The following NLGN1 variants were observed in gnomAD, a reference collection of about 807,000 sequenced individuals.
The protein encoded by NLGN1 is neuroligin-1.
Under a neutral mutation model 65.5 loss-of-function variants are expected in NLGN1, and 12 were observed. That is an observed-to-expected ratio of 0.18 (90% confidence interval 0.12 to 0.30). The LOEUF is 0.30. Among genes scored for constraint, NLGN1 ranks in the 10% least tolerant of loss-of-function variants. The pLI, the probability that NLGN1 is intolerant of heterozygous loss-of-function variation, is 1.00. For synonymous variants in NLGN1, 350 were observed against 359.5 expected, an observed-to-expected ratio of 0.97 and a Z score of 0.30; for missense variants, 750 against 1,007.1, an observed-to-expected ratio of 0.74 and a Z score of 3.46.
intron 4 of NLGN1, among the ~76,000 whole-genome samples, chr3:173,938,058 T>G (rs1190339074): frequency 6.6e-6 from 1 of 152,162 alleles, no homozygotes; most frequent in Non-Finnish European, 1.5e-5. Context: ...GAGCACCTAT[T>G]AATTGTCAAA....
At chr3:173,896,293 G>T (rs1157120315) in intron 4 of NLGN1, among the ~76,000 whole-genome samples, 2 of 152,106 alleles carry the variant, frequency 1.3e-5, no homozygotes, top group Non-Finnish European at 2.9e-5. Flanking sequence ...GAATCATTCT[G>T]CCCATCATAC....
chr3:173,555,247 T>G (rs1741526911), intron 2 of NLGN1, among the ~76,000 whole-genome samples: 1 of 152,180 alleles, frequency 6.6e-6, no homozygotes, highest in African/African-American at 2.4e-5. Context: ...CTCTATCAAT[T>G]GAGATGGTTG....
chr3:173,969,128 C>G (rs1221538637), intron 4 of NLGN1, among the ~76,000 whole-genome samples: 2 of 151,720 alleles, frequency 1.3e-5, no homozygotes, highest in African/African-American at 4.8e-5. Context: ...TTATATTTTA[C>G]TTATTGTCTA....
At chr3:173,980,835 AC>A (rs1718622157) in intron 4 of NLGN1, among the ~76,000 whole-genome samples, 1 of 152,052 alleles carries the variant, frequency 6.6e-6, no homozygotes, top group Non-Finnish European at 1.5e-5. Context: ...ACTATGATTG[AC>A]CCATTTATAT....
intron 4 of NLGN1, among the ~76,000 whole-genome samples, chr3:174,170,408 T>G (rs1443530547): frequency 1.3e-5 from 2 of 152,138 alleles, no homozygotes; most frequent in African/African-American, 4.8e-5. Context: ...ACATGGATGA[T>G]CCACTGCTGT....
chr3:174,070,627 G>C (rs1006653952), intron 4 of NLGN1, among the ~76,000 whole-genome samples: 1 of 152,078 alleles, frequency 6.6e-6, no homozygotes, highest in Non-Finnish European at 1.5e-5. Context: ...ACCGCGCCCG[G>C]CCTTATCTCT....
intron 3 of NLGN1, among the ~76,000 whole-genome samples, chr3:173,691,236 A>G (rs1381197926): frequency 1.3e-5 from 2 of 152,066 alleles, no homozygotes; most frequent in East Asian, 1.9e-4. Flanking sequence ...TCTTTAGCCC[A>G]TTTCTTCAAG....
chr3:173,584,323 G>GTA (rs1553766886), intron 2 of NLGN1, among the ~76,000 whole-genome samples: 5 of 148,530 alleles, frequency 3.4e-5, no homozygotes, highest in Non-Finnish European at 7.4e-5. Flanking sequence ...GCCACTAGGG[G>GTA]TATCTTTGTA....
intron 3 of NLGN1, among the ~76,000 whole-genome samples, chr3:173,634,101 T>A (rs1756187493): frequency 6.6e-6 from 1 of 152,126 alleles, no homozygotes; most frequent in Non-Finnish European, 1.5e-5. Flanking sequence ...ATTAAAAACA[T>A]TATGGGATTT....
At chr3:173,942,100 G>T (rs1027918304) in intron 4 of NLGN1, among the ~76,000 whole-genome samples, 10 of 147,204 alleles carry the variant, frequency 6.8e-5, no homozygotes, top group African/African-American at 2.3e-4. Flanking sequence ...AGGAATATTG[G>T]TGGTTGGGGG....
intron 4 of NLGN1, among the ~76,000 whole-genome samples, chr3:174,190,225 C>G (rs1445722409): frequency 6.6e-6 from 1 of 151,868 alleles, no homozygotes; most frequent in South Asian, 2.1e-4. Flanking sequence ...AGTATTTGCT[C>G]CATATTTTTT....
intron 2 of NLGN1, among the ~76,000 whole-genome samples, chr3:173,586,181 A>G (rs972645972): frequency 6.6e-6 from 1 of 152,140 alleles, no homozygotes; most frequent in Non-Finnish European, 1.5e-5. Flanking sequence ...TAGACATTCA[A>G]ATGCTTTGGA....
chr3:174,119,595 A>T (rs73046203), intron 4 of NLGN1, among the ~76,000 whole-genome samples: 7 of 152,316 alleles, frequency 4.6e-5, no homozygotes, highest in African/African-American at 1.7e-4. Context: ...CTATTGTTAG[A>T]GTCTTTAAAA....
intron 3 of NLGN1, among the ~76,000 whole-genome samples, chr3:173,715,192 A>G (rs1769643679): frequency 6.6e-6 from 1 of 152,146 alleles, no homozygotes; most frequent in Admixed American, 6.6e-5. Context: ...CTTGGCTTAA[A>G]TGATTATTTC....
chr3:173,412,321 C>T (rs952899602), intron 1 of NLGN1, among the ~76,000 whole-genome samples: 1 of 151,682 alleles, frequency 6.6e-6, no homozygotes, highest in Non-Finnish European at 1.5e-5. Context: ...GACACACACA[C>T]ACACACACAC....
At chr3:173,985,253 T>G (rs1719641925) in intron 4 of NLGN1, among the ~76,000 whole-genome samples, 2 of 152,188 alleles carry the variant, frequency 1.3e-5, no homozygotes, top group Non-Finnish European at 2.9e-5. Flanking sequence ...ATTTGAACCT[T>G]TTTGCTTTCA....
chr3:174,100,874 T>C (rs1712286798), intron 4 of NLGN1, among the ~76,000 whole-genome samples: 1 of 151,994 alleles, frequency 6.6e-6, no homozygotes, highest in African/African-American at 2.4e-5. Flanking sequence ...TTTCATTTAT[T>C]TAGCACTCCC....
In NLGN1 at chr3:173,568,512, G is replaced by C. The variant is rs543053437; in HGVS notation, c.-320-35767G>C. On this transcript the variant is annotated intron_variant, in intron 2 of 6. Coordinates refer to ENST00000457714, the Ensembl canonical transcript of NLGN1. ...GGCCTCCCAAATTGTTGGGATTACAGGCACAAGCCACTGTGCCCGGCCTCA... is the reference window on the plus strand; with the variant it reads ...GGCCTCCCAAATTGTTGGGATTACACGCACAAGCCACTGTGCCCGGCCTCA... Among the ~76,000 whole-genome samples the C allele has an allele frequency of 1.3e-4, 20 of 152,260 alleles. No homozygotes were observed. In the East Asian group the frequency reaches 3.9e-3, roughly 29 times the overall value.
At chr3:173,517,140 A>G (rs2149118036) in intron 2 of NLGN1, among the ~76,000 whole-genome samples, 1 of 152,164 alleles carries the variant, frequency 6.6e-6, no homozygotes, top group Admixed American at 6.5e-5. Flanking sequence ...TTTGACACGC[A>G]TCAAGTTGTT....
Sources: allele counts gnomAD v4.1 joint callset (sites outside exome capture counted in the v4.1 genomes callset), GRCh38; gene constraint gnomAD v4.1.1; transcripts MANE v1.5; gene names NCBI Gene and HGNC (gene_info 2026-07-23, HGNC 2026-07-21).